Variants in PHC3 observed in about 807,000 individuals in gnomAD.
PHC3 encodes the protein polyhomeotic-like protein 3.
A neutral mutation model predicts 107.4 loss-of-function variants in PHC3; 13 were observed. That is an observed-to-expected ratio of 0.12 (90% CI 0.08 to 0.19). The LOEUF (loss-of-function observed/expected upper bound fraction) is 0.19. Among genes scored for constraint, PHC3 ranks in the 10% least tolerant of loss-of-function variants. The probability of loss-of-function intolerance (pLI) is 1.00; values close to 1 mark genes in which losing one functional copy is unlikely to be tolerated. For synonymous variants in PHC3, 456 were observed against 427.4 expected (o/e 1.07, Z -0.83); for missense variants, 992 against 1,210.9 (o/e 0.82, Z 2.68).
At chr3:170,146,630 TC>T (rs1725009108) in intron 5 of PHC3, among the ~76,000 whole-genome samples, 3 of 149,556 alleles carry the variant, frequency 2.0e-5, no homozygotes, top group African/African-American at 7.3e-5. Context: ...CCTCCCGGGT[TC>T]AAGCGATTCT....
chr3:170,143,781 A>G (rs771193607), intron 6 of PHC3, among the ~76,000 whole-genome samples: 13 of 151,010 alleles, frequency 8.6e-5, no homozygotes, highest in Non-Finnish European at 1.0e-4. Flanking sequence ...TTACTACCCC[A>G]ACCAATATAC....
At chr3:170,106,098 G>C (rs1402607123) in intron 12 of PHC3, among the ~76,000 whole-genome samples, 3 of 152,140 alleles carry the variant, frequency 2.0e-5, no homozygotes, top group Non-Finnish European at 4.4e-5. Context: ...TGTAATCCCA[G>C]CTACTCAGGA....
At chr3:170,098,763 A>T (rs1170358826) in intron 14 of PHC3, among the ~76,000 whole-genome samples, 1 of 152,090 alleles carries the variant, frequency 6.6e-6, no homozygotes, top group Non-Finnish European at 1.5e-5. Context: ...CTATATAACA[A>T]CTAGCTTTTC....
chr3:170,096,866 AAG>A lies in PHC3; in HGVS notation c.*362_*363del, dbSNP rs1165961241. On this transcript the variant is annotated 3_prime_UTR_variant, in exon 15 of 15. Transcript: ENST00000495893. ...AAAATGTATAAGAAAATTGAATCAA[AAG>A]AGGAGAAATGTAAATCATTAAATTA... is the stretch of plus-strand genomic sequence containing the variant. The A allele has an allele frequency of 2.5e-5, 4 of 158,576 alleles. No individual in the cohort carries two copies. The highest frequency in any genetic ancestry group is 7.2e-5 in the African/African-American group (3 of 41,702). The allele number at this position is 158,576 out of a possible 1,614,324, so 9.8% of individuals were successfully genotyped here. A position where few individuals can be genotyped will look rare whatever the true frequency, so the allele number is the denominator to read the frequency against.
At chr3:170,102,440 A>G in intron 14 of PHC3, 39 bp downstream of exon 14, 2 of 1,592,908 alleles carry the variant, frequency 1.3e-6, no homozygotes, top group Non-Finnish European at 1.7e-6. Flanking sequence ...GTGTGAATGC[A>G]CAAGAAAAAT....
intron 6 of PHC3, among the ~76,000 whole-genome samples, chr3:170,144,776 G>A (rs1724682941): frequency 6.6e-6 from 1 of 152,166 alleles, no homozygotes; most frequent in Non-Finnish European, 1.5e-5. Context: ...CACTATCCTA[G>A]TTCACTGCAG....
chr3:170,159,404 T>A (rs1458351971), intron 4 of PHC3, among the ~76,000 whole-genome samples: 1 of 151,938 alleles, frequency 6.6e-6, no homozygotes, highest in Non-Finnish European at 1.5e-5. Flanking sequence ...GAACTAAAAA[T>A]TTTTTAAAAG....
chr3:170,121,639 C>T (rs1229929748), intron 9 of PHC3, among the ~76,000 whole-genome samples: 1 of 152,024 alleles, frequency 6.6e-6, no homozygotes, highest in East Asian at 1.9e-4. Context: ...GCTGGGACTC[C>T]GGGCATGCAC....
chr3:170,128,192 A>T, intron 8 of PHC3: 1 of 211,340 alleles, frequency 4.7e-6, no homozygotes, highest in Non-Finnish European at 8.6e-6. Context: ...CCAAAAAACT[A>T]CATCATATAA....
chr3:170,112,714 G>C (rs1718074386), intron 11 of PHC3, among the ~76,000 whole-genome samples: 1 of 151,988 alleles, frequency 6.6e-6, no homozygotes, highest in Non-Finnish European at 1.5e-5. Context: ...AGTAGAGACG[G>C]GGTTTCACCA....
At chr3:170,166,646 T>TA (rs1359837787) in intron 4 of PHC3, among the ~76,000 whole-genome samples, 30 of 151,794 alleles carry the variant, frequency 2.0e-4, no homozygotes, top group African/African-American at 7.2e-4. Context: ...GACAGTGCTA[T>TA]ATGAAAGGGT....
intron 2 of PHC3, chr3:170,176,908 C>T (rs1369477368): frequency 2.2e-6 from 1 of 455,992 alleles, no homozygotes; most frequent in Non-Finnish European, 4.4e-6. Flanking sequence ...ATGTCTCATA[C>T]CCAAGGCTAT....
At chr3:170,117,832 T>C (rs1192232039) in intron 9 of PHC3, among the ~76,000 whole-genome samples, 1 of 88,752 alleles carries the variant, frequency 1.1e-5, no homozygotes, top group Non-Finnish European at 2.4e-5. Flanking sequence ...CCATCTCTAC[T>C]AAAAAAAAAA....
rs753945118 is a variant in PHC3 at position 170,097,193 on chromosome 3, A to C, written c.*37T>G. 1.3e-6 allele frequency: 2 copies of C among 1,559,560 alleles called. No individual in the cohort carries two copies. The highest frequency in any genetic ancestry group is 4.5e-5 in the East Asian group (2 of 44,338). ...TTACCTTACAAGTTTTTGTGAGAAA[A>C]GTAAAACTGCTGTTTTATCAAGGCT... On this transcript the variant is annotated 3_prime_UTR_variant, in exon 15 of 15. Coordinates refer to ENST00000495893, the MANE Select transcript of PHC3 (RefSeq NM_024947.4). The surrounding 1 kb of genome is among the most constrained non-coding windows in gnomAD (Gnocchi z 4.1).
rs937579808 is a variant in PHC3 at position 170,145,451 on chromosome 3, G to A, written c.644C>T (p.Ser215Leu). Residue 215 changes from serine to leucine, a missense_variant, in exon 6 of 15, where the codon TCA (serine) becomes TTA (leucine). Around this residue, in one of 6 missense-constraint regions of PHC3, gnomAD observed 543 missense variants for 590.8 expected, o/e 0.92. Coordinates refer to ENST00000495893, the MANE Select transcript of PHC3 (RefSeq NM_024947.4). ...SDIPVVSSSS[S>L]SSCQSAATQV... is the part of the protein sequence containing the mutation. ...AGTAGCTGCAGACTGACAGGAAGATGACGATGACGACGAGACAACAGGAAT... is the reference window on the plus strand; with the variant it reads ...AGTAGCTGCAGACTGACAGGAAGATAACGATGACGACGAGACAACAGGAAT... 1.2e-6 allele frequency: 2 copies of A among 1,613,720 alleles called. No homozygotes were observed. Among genetic ancestry groups the A allele is most frequent in the South Asian group, 1.1e-5 (1 of 91,066 alleles).
At chr3:170,165,631 G>A (rs1330962860) in intron 4 of PHC3, among the ~76,000 whole-genome samples, 5 of 151,592 alleles carry the variant, frequency 3.3e-5, no homozygotes, top group Admixed American at 3.3e-4. Context: ...GTAAACGCCT[G>A]TAATTCCAGC....
rs527633244 is a variant in PHC3, at chr3:170,123,033, A to T, written c.1789-289T>A. ...GAAAATATTTTTTATTTCGATAATT[A>T]AAAAATACAAATAAAATAACGATTT... On this transcript the variant is annotated intron_variant, in intron 8 of 14. Transcript: ENST00000495893. 2.6e-5 allele frequency among the ~76,000 whole-genome samples: 4 copies of T among 152,326 alleles called. No homozygotes were observed. In the East Asian group the frequency reaches 7.7e-4, roughly 29 times the overall value.
intron 7 of PHC3, among the ~76,000 whole-genome samples, chr3:170,133,285 T>C (rs1722552060): frequency 6.6e-6 from 1 of 152,040 alleles, no homozygotes; most frequent in East Asian, 1.9e-4. Context: ...TTCAAGCGAT[T>C]CTCCTGCCTC....
chr3:170,128,529 TGCCCATAC>T, intron 8 of PHC3, 147 bp downstream of exon 8: 1 of 1,120,934 alleles, frequency 8.9e-7, no homozygotes, highest in Non-Finnish European at 1.2e-6. Context: ...TTTTTTTTTT[TGCCCATAC>T]AGCATGTTTG....
Sources: gnomAD v4.1 joint callset for allele counts (sites outside exome capture counted in the v4.1 genomes callset) on GRCh38, gnomAD v4.1.1 for gene constraint, gnomAD v4.1.1 regional missense constraint, Gnocchi (gnomAD v3.1) non-coding constraint, MANE v1.5 for transcripts, NCBI Gene and HGNC (gene_info 2026-07-23, HGNC 2026-07-21) for gene names.